The following NKAIN1 variants were observed in gnomAD, a reference collection of about 807,000 sequenced individuals.
NKAIN1 encodes sodium/potassium-transporting ATPase subunit beta-1-interacting protein 1.
Under a neutral mutation model 31.6 loss-of-function variants are expected in NKAIN1, and 13 were observed. The ratio of observed to expected loss-of-function variants is 0.41; its 90% CI spans 0.27 to 0.65. The LOEUF is 0.65. NKAIN1 is among the 30% of genes least tolerant of loss of function. The pLI is 0.30. For missense variants in NKAIN1, 193 were observed against 262.2 expected, an observed-to-expected ratio of 0.74 and a Z score of 1.82; for synonymous variants, 104 against 109.0, an observed-to-expected ratio of 0.95 and a Z score of 0.28.
chr1:31,194,413 CT>C (rs1234303404), intron 1 of NKAIN1, among the ~76,000 whole-genome samples: 1,351 of 130,604 alleles, frequency 0.01, 16 homozygotes, highest in East Asian at 0.079. Context: ...TCCTTCCTTC[CT>C]TTTTTTTTTT....
At chr1:31,201,407 G>A (rs1432004064) in intron 1 of NKAIN1, among the ~76,000 whole-genome samples, 1 of 144,808 alleles carries the variant, frequency 6.9e-6, no homozygotes, top group Non-Finnish European at 1.5e-5. Context: ...CGCCGAGGCT[G>A]GAGTGCAGTG....
chr1:31,230,191 G>A (rs1468227495), intron 1 of NKAIN1, among the ~76,000 whole-genome samples: 2 of 152,124 alleles, frequency 1.3e-5, no homozygotes, highest in African/African-American at 4.8e-5. Context: ...CATATCCTGG[G>A]CATTCAAGAG....
At chr1:31,187,956 T>TG (rs890324462) in intron 2 of NKAIN1, 94 bp downstream of exon 2, 4 of 1,321,044 alleles carry the variant, frequency 3.0e-6, no homozygotes, top group African/African-American at 2.9e-5. Flanking sequence ...GCCCCAGTGT[T>TG]GGGGGGCAGT....
chr1:31,216,702 ATTT>A (rs1401105004), intron 1 of NKAIN1, among the ~76,000 whole-genome samples: 5 of 149,736 alleles, frequency 3.3e-5, no homozygotes, highest in African/African-American at 1.2e-4. Context: ...TTATTTATTT[ATTT>A]ATTTATTTAT....
At chr1:31,221,355 T>C (rs1479996953) in intron 1 of NKAIN1, among the ~76,000 whole-genome samples, 3 of 152,036 alleles carry the variant, frequency 2.0e-5, no homozygotes, top group South Asian at 2.1e-4. Flanking sequence ...AGCATCACTT[T>C]GGAACTTGTT....
At chr1:31,202,588 A>C (rs1278517757) in intron 1 of NKAIN1, among the ~76,000 whole-genome samples, 1 of 151,252 alleles carries the variant, frequency 6.6e-6, no homozygotes, top group Non-Finnish European at 1.5e-5. Context: ...GAGGCAGGAG[A>C]ATGGTGTGAA....
At chr1:31,199,736 G>C (rs559234299) in intron 1 of NKAIN1, among the ~76,000 whole-genome samples, 1 of 152,274 alleles carries the variant, frequency 6.6e-6, no homozygotes, top group Admixed American at 6.5e-5. Flanking sequence ...AGACCAAGTG[G>C]TCTTTGACCC....
intron 1 of NKAIN1, among the ~76,000 whole-genome samples, chr1:31,211,644 C>A (rs1289866517): frequency 6.8e-6 from 1 of 146,470 alleles, no homozygotes; most frequent in Non-Finnish European, 1.5e-5. Flanking sequence ...CCTTAAAATT[C>A]ATATGGAAAT....
At chr1:31,219,943 T>C (rs1414570595) in intron 1 of NKAIN1, among the ~76,000 whole-genome samples, 1 of 151,852 alleles carries the variant, frequency 6.6e-6, no homozygotes, top group Non-Finnish European at 1.5e-5. Flanking sequence ...GTGCCTTGCT[T>C]GCACAGGCTA....
At chr1:31,187,702 T>C (rs1645254868) in intron 2 of NKAIN1, among the ~76,000 whole-genome samples, 1 of 152,062 alleles carries the variant, frequency 6.6e-6, no homozygotes, top group Non-Finnish European at 1.5e-5. Context: ...AGTTTCCTCA[T>C]CTGGAAAATG....
At chr1:31,221,468 G>T (rs1244962865) in intron 1 of NKAIN1, among the ~76,000 whole-genome samples, 1 of 152,088 alleles carries the variant, frequency 6.6e-6, no homozygotes, top group South Asian at 2.1e-4. Flanking sequence ...ACGGAGTCTT[G>T]CTCTGTCGCC....
chr1:31,181,957 G>C lies in NKAIN1; in HGVS notation c.533-16C>G. The C allele has an allele frequency of 6.2e-7, 1 of 1,600,376 alleles. No individual in the cohort carries two copies. Among genetic ancestry groups the C allele is most frequent in the Non-Finnish European group, 8.5e-7 (1 of 1,174,190 alleles). On this transcript the variant is annotated splice_polypyrimidine_tract_variant and intron_variant, in intron 5 of 6. Coordinates refer to ENST00000373736, the MANE Select transcript of NKAIN1 (RefSeq NM_024522.3). Reference sequence around the variant, plus strand: ...ATGAAGTCAACTGCGGAAGAGGGGCGGCGCATGTTAGGGATCGGCGGCGGG... The same window carrying C: ...ATGAAGTCAACTGCGGAAGAGGGGCCGCGCATGTTAGGGATCGGCGGCGGG...
At chr1:31,222,837 G>A (rs1374487208) in intron 1 of NKAIN1, among the ~76,000 whole-genome samples, 1 of 152,182 alleles carries the variant, frequency 6.6e-6, no homozygotes, top group Non-Finnish European at 1.5e-5. Context: ...GGCAGGCTCT[G>A]TCACTCCCTG....
At chr1:31,193,009 A>C (rs1645297867) in intron 1 of NKAIN1, among the ~76,000 whole-genome samples, 1 of 152,030 alleles carries the variant, frequency 6.6e-6, no homozygotes, top group South Asian at 2.1e-4. Context: ...CTATTAAAAA[A>C]AAAAAAATCA....
chr1:31,191,622 C>T lies in NKAIN1; in HGVS notation c.55-3435G>A, dbSNP rs185543417. Among the ~76,000 whole-genome samples the T allele has an allele frequency of 3.6e-3, 547 of 152,164 alleles. 1 individual carries two copies. The highest frequency in any genetic ancestry group is 0.013 in the African/African-American group (538 of 41,504). ...GACAATTAGACTTGATACATAGTGG[C>T]TAATTAATAGAAGGCTTAACAGTCT... On this transcript the variant is annotated intron_variant, in intron 1 of 6. Coordinates refer to ENST00000373736, the MANE Select transcript of NKAIN1 (RefSeq NM_024522.3).
chr1:31,202,296 A>G (rs897982044), intron 1 of NKAIN1, among the ~76,000 whole-genome samples: 1 of 152,230 alleles, frequency 6.6e-6, no homozygotes, highest in South Asian at 2.1e-4. Flanking sequence ...CCTGGCAGTG[A>G]TCTAATTAGC....
chr1:31,189,704 G>A (rs143673396), intron 1 of NKAIN1, among the ~76,000 whole-genome samples: 64 of 152,326 alleles, frequency 4.2e-4, no homozygotes, highest in Non-Finnish European at 8.8e-5. Context: ...GGGTGGGCAG[G>A]TAAGCCAAGT....
chr1:31,219,394 C>T (rs531571005), intron 1 of NKAIN1, among the ~76,000 whole-genome samples: 3 of 152,256 alleles, frequency 2.0e-5, no homozygotes, highest in East Asian at 3.8e-4. Flanking sequence ...ACACTGGCAG[C>T]GCAGGCTGTC....
In NKAIN1 at chr1:31,188,062, C is replaced by A. The variant is rs1385137353; in HGVS notation, c.180G>T (p.Arg60=). 17 of 1,553,296 alleles carry A rather than the reference C, an allele frequency of 1.1e-5. No homozygotes were observed. The highest frequency in any genetic ancestry group is 2.0e-5 in the Admixed American group (1 of 51,164). ...GIFGTVQYRS[R]YLILYAAWLV... ...AGGTGAGCCGTACCAGGATGAGGTA[C>A]CGGGAGCGGTACTGCACGGTGCCAA... is the stretch of plus-strand genomic sequence containing the variant. The change falls in exon 2 of 7, where the codon CGG becomes CGT. Residue 60 remains arginine, a synonymous_variant. Coordinates refer to ENST00000373736, the MANE Select transcript of NKAIN1 (RefSeq NM_024522.3).
Sources: allele counts gnomAD v4.1 joint callset (sites outside exome capture counted in the v4.1 genomes callset), GRCh38; gene constraint gnomAD v4.1.1; transcripts MANE v1.5; gene names NCBI Gene and HGNC (gene_info 2026-07-23, HGNC 2026-07-21).